Variants in GSDME observed in about 807,000 individuals in gnomAD.
GSDME encodes the protein gasdermin E, also known as gasdermin-E.
Under a neutral mutation model 47.5 loss-of-function variants are expected in GSDME, and 44 were observed. The ratio of observed to expected loss-of-function variants is 0.93; its 90% CI spans 0.73 to 1.19. The LOEUF (loss-of-function observed/expected upper bound fraction) is 1.19. Among genes scored for constraint, GSDME ranks in the 50% most tolerant of loss-of-function variants. The pLI is 0.00. For synonymous variants in GSDME, 258 were observed against 252.8 expected, an observed-to-expected ratio of 1.02 and a Z score of -0.20; for missense variants, 663 against 604.2, an observed-to-expected ratio of 1.10 and a Z score of -1.02.
Position 24,744,923 on chromosome 7 carries a change from C to CGTGTGTGTGTGTGTGT in GSDME, c.212-185_212-170dup, listed in dbSNP as rs3038356. On this transcript the variant is annotated intron_variant, in intron 2 of 9. Transcript: ENST00000645220. This position sits in a 1 kb window ranked among gnomAD's most constrained non-coding sequence, Gnocchi z 4.5. ...GTGTGGGCAAGAAAACAGGGCAGCA[C>CGTGTGTGTGTGTGTGT]GTGTGTGTGTGTGTGTGTGTGTGTG... Among the ~76,000 whole-genome samples the CGTGTGTGTGTGTGTGT allele has an allele frequency of 3.6e-3, 504 of 140,198 alleles. 6 individuals carry two copies. Among genetic ancestry groups the CGTGTGTGTGTGTGTGT allele is most frequent in the African/African-American group, 9.6e-3 (357 of 37,154 alleles). 92.0% of individuals were successfully genotyped at this position (140,198 alleles called of 152,430 possible).
intron 3 of GSDME, among the ~76,000 whole-genome samples, chr7:24,740,612 T>C (rs548693020): frequency 6.6e-5 from 10 of 152,164 alleles, no homozygotes; most frequent in African/African-American, 2.4e-4. Flanking sequence ...CCATTAAAAA[T>C]TCCTCATTAA....
rs566236487 is a variant in GSDME at position 24,750,008 on chromosome 7, C to T, written c.-19-215G>A. Among the ~76,000 whole-genome samples the T allele has an allele frequency of 4.6e-5, 7 of 152,256 alleles. No individual in the cohort carries two copies. In the East Asian group the frequency reaches 7.7e-4, roughly 17 times the overall value. ...ATACCAGTCTGGATATGCTAGGTTACGCTTCAGAAACAATCCCTAAGTCTT... is the reference window on the plus strand; with the variant it reads ...ATACCAGTCTGGATATGCTAGGTTATGCTTCAGAAACAATCCCTAAGTCTT... On this transcript the variant is annotated intron_variant, in intron 1 of 9. Transcript: ENST00000645220.
rs140644599 is a variant in GSDME at position 24,726,047 on chromosome 7, G to C, written c.405-6829C>G. Among the ~76,000 whole-genome samples the C allele has an allele frequency of 5.6e-4, 86 of 152,280 alleles. No homozygotes were observed. In the South Asian group the frequency reaches 7.0e-3, roughly 12 times the overall value. On this transcript the variant is annotated intron_variant, in intron 3 of 9. Coordinates refer to ENST00000645220, the MANE Select transcript of GSDME (RefSeq NM_001127453.2). This position sits in a 1 kb window ranked among gnomAD's most constrained non-coding sequence, Gnocchi z 5.6. ...TGCTGGGAGGCGGCAGGCAGAGATG[G>C]AGGGAGGGAAGCGTGGCTCAGAGCC...
chr7:24,748,964 C>A (rs1294216305), intron 2 of GSDME, among the ~76,000 whole-genome samples: 1 of 152,172 alleles, frequency 6.6e-6, no homozygotes, highest in Non-Finnish European at 1.5e-5. Context: ...CAGTTCAACA[C>A]CAAACCACAT....
the GSDME span, among the ~76,000 whole-genome samples, chr7:24,773,064 C>T: frequency 1.3e-5 from 2 of 152,174 alleles, no homozygotes; most frequent in African/African-American, 4.8e-5. The surrounding 1 kb of genome is among the most constrained non-coding windows in gnomAD (Gnocchi z 5.4). Flanking sequence ...CCAAGGTGGG[C>T]TATGCAAGCC....
the GSDME span, among the ~76,000 whole-genome samples, chr7:24,792,228 C>T: frequency 6.6e-6 from 1 of 152,158 alleles, no homozygotes; most frequent in African/African-American, 2.4e-5. Flanking sequence ...CTTCTATGAT[C>T]CTCTAATAAA....
At chr7:24,779,588 C>T in the GSDME span, among the ~76,000 whole-genome samples, 1 of 151,062 alleles carries the variant, frequency 6.6e-6, no homozygotes, top group Admixed American at 6.6e-5. This position sits in a 1 kb window ranked among gnomAD's most constrained non-coding sequence, Gnocchi z 6.0. Flanking sequence ...AAACAGAAAA[C>T]CCCACTAAAA....
chr7:24,748,062 T>A (rs1790725175), intron 2 of GSDME, among the ~76,000 whole-genome samples: 1 of 151,636 alleles, frequency 6.6e-6, no homozygotes, highest in Non-Finnish European at 1.5e-5. Context: ...AAATTGTATT[T>A]AAAAATATTT....
intron 3 of GSDME, among the ~76,000 whole-genome samples, chr7:24,730,142 A>C (rs1225433453): frequency 6.6e-6 from 1 of 152,206 alleles, no homozygotes; most frequent in Non-Finnish European, 1.5e-5. Flanking sequence ...AAGTGCAGTG[A>C]TGAGTTGAGT....
the GSDME span, among the ~76,000 whole-genome samples, chr7:24,785,583 G>A: frequency 6.6e-6 from 1 of 152,308 alleles, no homozygotes; most frequent in African/African-American, 2.4e-5. Context: ...AGCCTCCTGA[G>A]TAGCTGGGAC....
rs1419078732 is a variant in GSDME at position 24,712,249 on chromosome 7, G to A, written c.698-1861C>T. 6.6e-6 allele frequency among the ~76,000 whole-genome samples: 1 copy of A among 152,212 alleles called. No homozygotes were observed. Among genetic ancestry groups the A allele is most frequent in the Non-Finnish European group, 1.5e-5 (1 of 68,042 alleles). On this transcript the variant is annotated intron_variant, in intron 5 of 9. Coordinates refer to ENST00000645220, the MANE Select transcript of GSDME (RefSeq NM_001127453.2). This position sits in a 1 kb window ranked among gnomAD's most constrained non-coding sequence, Gnocchi z 4.4. ...TTTGCGCTTAGCCACAGGGGTGCAG[G>A]AGTGTGAACCAGCACCTAGGTCATA... is the stretch of plus-strand genomic sequence containing the variant.
chr7:24,788,700 G>A, the GSDME span, among the ~76,000 whole-genome samples: 106 of 152,292 alleles, frequency 7.0e-4, no homozygotes, highest in Middle Eastern at 0.01. This position sits in a 1 kb window ranked among gnomAD's most constrained non-coding sequence, Gnocchi z 4.6. Flanking sequence ...TGGAACTTAT[G>A]CCTCCAAATT....
rs772791072 is a variant in GSDME, at chr7:24,754,162, T to G, written c.-20+3234A>C. 9.2e-5 allele frequency among the ~76,000 whole-genome samples: 14 copies of G among 152,202 alleles called. No homozygotes were observed. Among genetic ancestry groups the G allele is most frequent in the Admixed American group, 2.6e-4 (4 of 15,282 alleles). On this transcript the variant is annotated intron_variant, in intron 1 of 9. Coordinates refer to ENST00000645220, the MANE Select transcript of GSDME (RefSeq NM_001127453.2). This position sits in a 1 kb window ranked among gnomAD's most constrained non-coding sequence, Gnocchi z 5.0. Reference sequence around the variant, plus strand: ...CTCACTGCACTTCACAGTTGTTACATAGATCACGGACTCTCGCACAGAGCC... The same window carrying G: ...CTCACTGCACTTCACAGTTGTTACAGAGATCACGGACTCTCGCACAGAGCC...
At chr7:24,707,680 GA>G in intron 7 of GSDME, 3 of 313,164 alleles carry the variant, frequency 9.6e-6, no homozygotes, top group South Asian at 9.2e-5. Flanking sequence ...CAGTAAAGGA[GA>G]AGACACACAC....
rs1197590210 is a variant in GSDME at position 24,707,159 on chromosome 7, A to AAT, written c.991-785_991-784dup. 3.0e-5 allele frequency: 11 copies of AAT among 370,816 alleles called. No individual in the cohort carries two copies. In the East Asian group the frequency reaches 7.2e-4, roughly 24 times the overall value. 23.0% of individuals were successfully genotyped at this position (370,816 alleles called of 1,614,324 possible). On this transcript the variant is annotated intron_variant, in intron 7 of 9. Coordinates refer to ENST00000645220, the MANE Select transcript of GSDME (RefSeq NM_001127453.2). Reference sequence around the variant, plus strand: ...ACTGATACCCAGGCTCTTTCGGCACAATCTAATTTCAAGAGAGAAAAATAA... The same window carrying AAT: ...ACTGATACCCAGGCTCTTTCGGCACAATATCTAATTTCAAGAGAGAAAAATAA...
Position 24,714,279 on chromosome 7 carries a change from C to G in GSDME, c.697+2975G>C, listed in dbSNP as rs1375983248. Among the ~76,000 whole-genome samples the G allele has an allele frequency of 1.3e-5, 2 of 152,080 alleles. No individual in the cohort carries two copies. Among genetic ancestry groups the G allele is most frequent in the South Asian group, 4.1e-4 (2 of 4,820 alleles). ...TGCCTCCCTTCGAGGTTTCAAAGGACGACCAGGATCTCTGTCAAATGCAAT... is the reference window on the plus strand; with the variant it reads ...TGCCTCCCTTCGAGGTTTCAAAGGAGGACCAGGATCTCTGTCAAATGCAAT... On this transcript the variant is annotated intron_variant, in intron 5 of 9. Transcript: ENST00000645220. The surrounding 1 kb of genome is among the most constrained non-coding windows in gnomAD (Gnocchi z 5.0).
the GSDME span, among the ~76,000 whole-genome samples, chr7:24,795,086 T>G: frequency 6.6e-6 from 1 of 152,178 alleles, no homozygotes; most frequent in Non-Finnish European, 1.5e-5. Flanking sequence ...AAGACCAGTC[T>G]TACCGTGTTC....
chr7:24,755,556 T>A (rs1183042336), intron 1 of GSDME, among the ~76,000 whole-genome samples: 1 of 152,212 alleles, frequency 6.6e-6, no homozygotes, highest in Non-Finnish European at 1.5e-5. Flanking sequence ...CCCCATGGTG[T>A]CCCTCACTTT....
the GSDME span, among the ~76,000 whole-genome samples, chr7:24,766,067 C>A: frequency 3.9e-5 from 6 of 152,252 alleles, no homozygotes; most frequent in East Asian, 1.2e-3. This position sits in a 1 kb window ranked among gnomAD's most constrained non-coding sequence, Gnocchi z 4.2. Context: ...AATATTCATT[C>A]ACTGAAAACA....
Sources: allele counts gnomAD v4.1 joint callset (sites outside exome capture counted in the v4.1 genomes callset), GRCh38; gene constraint gnomAD v4.1.1; non-coding constraint Gnocchi (gnomAD v3.1); transcripts MANE v1.5; gene names NCBI Gene and HGNC (gene_info 2026-07-23, HGNC 2026-07-21).